Variants in EHF observed in about 807,000 individuals in gnomAD.
EHF encodes the protein ESE3 transcription factor.
Under a neutral mutation model 45.1 loss-of-function variants are expected in EHF, and 14 were observed. That is an observed-to-expected ratio of 0.31 (90% CI 0.21 to 0.49). EHF has a LOEUF of 0.49. EHF is among the 20% of genes least tolerant of loss of function. The pLI is 0.99. For missense variants in EHF, 282 were observed against 371.4 expected, an observed-to-expected ratio of 0.76 and a Z score of 1.98; for synonymous variants, 136 against 131.8, an observed-to-expected ratio of 1.03 and a Z score of -0.22.
chr11:34,646,367 T>G (rs1308967362), intron 2 of EHF, 72 bp from the exon 3 acceptor site: 1 of 1,596,734 alleles, frequency 6.3e-7, no homozygotes, highest in African/African-American at 1.3e-5. Context: ...CAGCCAACAG[T>G]ACATCCCTGT....
rs1336673272 is a variant in EHF, at chr11:34,631,666, T to C, written c.-4+10438T>C. The C allele has an allele frequency of 7.0e-6, 5 of 711,962 alleles. No individual in the cohort carries two copies. In the Admixed American group the frequency reaches 3.1e-4, roughly 45 times the overall value. 44.1% of individuals were successfully genotyped at this position (711,962 alleles called of 1,614,324 possible). A position where few individuals can be genotyped will look rare whatever the true frequency, so the allele number is the denominator to read the frequency against. On this transcript the variant is annotated intron_variant, in intron 1 of 8. Transcript: ENST00000257831. ...AGCCTCATTTATGCGATGGGAAAAC[T>C]GTGGTCCGGGAACCAGGGGTTTTCA...
chr11:34,649,431 G>C (rs1264922647), intron 4 of EHF, among the ~76,000 whole-genome samples: 1 of 152,136 alleles, frequency 6.6e-6, no homozygotes, highest in Non-Finnish European at 1.5e-5. Context: ...AGTTTGGAAA[G>C]AGAAGAGGAA....
intron 1 of EHF, among the ~76,000 whole-genome samples, chr11:34,630,869 C>A (rs1852821826): frequency 6.6e-6 from 1 of 152,128 alleles, no homozygotes; most frequent in South Asian, 2.1e-4. Context: ...TGAGGCCCCA[C>A]TGCCATAAGC....
intron 3 of EHF, chr11:34,646,980 A>C: frequency 2.2e-6 from 1 of 454,110 alleles, no homozygotes; most frequent in Non-Finnish European, 3.8e-6. Flanking sequence ...CTATCCTTGG[A>C]AAATGTTTTC....
intron 6 of EHF, among the ~76,000 whole-genome samples, chr11:34,654,643 T>C (rs1035140711): frequency 1.3e-5 from 2 of 152,144 alleles, no homozygotes; most frequent in Non-Finnish European, 2.9e-5. Context: ...TTATCTAGTG[T>C]AGAGGTTTTA....
At chr11:34,658,223 C>T (rs1855842496) in intron 7 of EHF, among the ~76,000 whole-genome samples, 1 of 152,144 alleles carries the variant, frequency 6.6e-6, no homozygotes, top group Non-Finnish European at 1.5e-5. Context: ...AAACTTCCCC[C>T]TGGCTTAGGA....
intron 1 of EHF, among the ~76,000 whole-genome samples, chr11:34,631,966 C>A (rs1372739761): frequency 6.6e-6 from 1 of 152,130 alleles, no homozygotes; most frequent in Non-Finnish European, 1.5e-5. Context: ...CATGGACACC[C>A]CTGAGTGCCC....
intron 6 of EHF, among the ~76,000 whole-genome samples, chr11:34,655,273 G>A (rs1482568342): frequency 2.6e-5 from 4 of 152,164 alleles, no homozygotes; most frequent in Non-Finnish European, 5.9e-5. Flanking sequence ...ATGACGTTTC[G>A]AGAAATTGCT....
intron 3 of EHF, among the ~76,000 whole-genome samples, chr11:34,648,724 T>C (rs186402105): frequency 1.1e-4 from 17 of 152,326 alleles, no homozygotes; most frequent in Admixed American, 7.2e-4. Context: ...TCATAGCTAG[T>C]AGTTGAAAAA....
At chr11:34,643,683 C>T (rs923781663) in intron 2 of EHF, among the ~76,000 whole-genome samples, 3 of 152,194 alleles carry the variant, frequency 2.0e-5, no homozygotes, top group African/African-American at 7.2e-5. Context: ...AGGTGAGCTT[C>T]CCTTACTCGG....
chr11:34,651,504 AG>A (rs4987414), intron 4 of EHF, 37 bp from the exon 5 acceptor site: 472,930 of 1,569,454 alleles, frequency 0.3, 74,041 homozygotes, highest in East Asian at 0.5. Context: ...CCTGGGGAAA[AG>A]AGATCGCTGA....
chr11:34,640,062 A>C (rs1366913674), intron 1 of EHF, among the ~76,000 whole-genome samples: 1 of 151,092 alleles, frequency 6.6e-6, no homozygotes, highest in Non-Finnish European at 1.5e-5. Flanking sequence ...CTCTATGTGC[A>C]TGACCTCATT....
intron 4 of EHF, among the ~76,000 whole-genome samples, chr11:34,649,522 T>C (rs1854929462): frequency 6.6e-6 from 1 of 152,136 alleles, no homozygotes; most frequent in South Asian, 2.1e-4. Flanking sequence ...AACTTGGTAT[T>C]GTAGTTAACA....
At chr11:34,652,485 T>C (rs1230596147) in intron 6 of EHF, among the ~76,000 whole-genome samples, 1 of 152,148 alleles carries the variant, frequency 6.6e-6, no homozygotes, top group African/African-American at 2.4e-5. Flanking sequence ...GGAGAGGGGA[T>C]TTCAGATTAC....
chr11:34,656,109 C>T (rs1855646421), intron 6 of EHF, among the ~76,000 whole-genome samples: 1 of 152,104 alleles, frequency 6.6e-6, no homozygotes, highest in Admixed American at 6.6e-5. Flanking sequence ...CTCACACACA[C>T]ACGGCTAGAT....
intron 6 of EHF, among the ~76,000 whole-genome samples, chr11:34,654,211 C>G (rs529454606): frequency 6.6e-6 from 1 of 152,198 alleles, no homozygotes; most frequent in South Asian, 2.1e-4. Context: ...TGTTGCTGCC[C>G]CTGCCTGGAC....
intron 4 of EHF, among the ~76,000 whole-genome samples, chr11:34,649,945 T>C (rs1361568560): frequency 6.6e-6 from 1 of 152,194 alleles, no homozygotes; most frequent in African/African-American, 2.4e-5. Context: ...CTTTCATAAG[T>C]GGGCTGGCCT....
At chr11:34,645,831 G>A (rs991238557) in intron 2 of EHF, among the ~76,000 whole-genome samples, 3 of 152,176 alleles carry the variant, frequency 2.0e-5, no homozygotes, top group African/African-American at 7.2e-5. Flanking sequence ...ATTTCAGTGG[G>A]TGATGAGGAC....
At chr11:34,624,230 C>T in intron 1 of EHF, 1 of 981,914 alleles carries the variant, frequency 1.0e-6, no homozygotes, top group African/African-American at 1.7e-5. Flanking sequence ...GGCATTGGCT[C>T]CACTGCAGCC....
Sources: allele counts gnomAD v4.1 joint callset (sites outside exome capture counted in the v4.1 genomes callset), GRCh38; gene constraint gnomAD v4.1.1; transcripts MANE v1.5; gene names NCBI Gene and HGNC (gene_info 2026-07-23, HGNC 2026-07-21).